Variants in NKAIN3 observed in about 807,000 individuals in gnomAD.
NKAIN3 encodes the protein sodium/potassium-transporting ATPase subunit beta-1-interacting protein 3.
A neutral mutation model predicts 30.2 loss-of-function variants in NKAIN3; 25 were observed. The ratio of observed to expected loss-of-function variants is 0.83; its 90% CI spans 0.60 to 1.16. NKAIN3 has a LOEUF of 1.16. NKAIN3 is among the 50% of genes most tolerant of loss of function. NKAIN3 has a pLI of 0.00. For missense variants in NKAIN3, 225 were observed against 254.1 expected, an observed-to-expected ratio of 0.89 and a Z score of 0.78; for synonymous variants, 91 against 89.6, an observed-to-expected ratio of 1.02 and a Z score of -0.09.
At chr8:62,936,215 T>G (rs567500332) in intron 5 of NKAIN3, among the ~76,000 whole-genome samples, 2 of 152,166 alleles carry the variant, frequency 1.3e-5, no homozygotes, top group Non-Finnish European at 2.9e-5. Context: ...GCACAGGGAC[T>G]GATTCTGAAG....
chr8:62,743,908 C>G lies in NKAIN3; in HGVS notation c.274-3024C>G, dbSNP rs926426880. On this transcript the variant is annotated intron_variant, in intron 3 of 6. Transcript: ENST00000623646. ...GGTAAGACCTTTCTGGAGTAACAGT[C>G]TTATGTCTACCTTTAGACAAGGTAA... Among the ~76,000 whole-genome samples, 26 of 152,110 alleles carry G rather than the reference C, an allele frequency of 1.7e-4. 1 individual carries two copies. The highest frequency in any genetic ancestry group is 8.8e-5 in the Non-Finnish European group (6 of 68,022).
intron 3 of NKAIN3, among the ~76,000 whole-genome samples, chr8:62,742,268 A>G (rs1815929439): frequency 6.6e-6 from 1 of 152,184 alleles, no homozygotes; most frequent in South Asian, 2.1e-4. Context: ...TAGGAAACTT[A>G]TGACAGATAA....
intron 1 of NKAIN3, among the ~76,000 whole-genome samples, chr8:62,497,578 G>C (rs1376431384): frequency 6.6e-6 from 1 of 152,002 alleles, no homozygotes; most frequent in Non-Finnish European, 1.5e-5. Flanking sequence ...TTGGTTCCAG[G>C]TGTATTTTCA....
At chr8:62,458,555 C>T (rs1476163201) in intron 1 of NKAIN3, among the ~76,000 whole-genome samples, 3 of 152,178 alleles carry the variant, frequency 2.0e-5, no homozygotes, top group Admixed American at 2.0e-4. Flanking sequence ...GCATGTCCTA[C>T]AAGTCATCTT....
intron 3 of NKAIN3, among the ~76,000 whole-genome samples, chr8:62,742,277 A>G (rs563407126): frequency 6.6e-6 from 1 of 152,328 alleles, no homozygotes; most frequent in South Asian, 2.1e-4. Flanking sequence ...TATGACAGAT[A>G]AAAACTAGTT....
intron 3 of NKAIN3, among the ~76,000 whole-genome samples, chr8:62,630,845 G>A (rs376252898): frequency 6.6e-6 from 1 of 152,052 alleles, no homozygotes; most frequent in East Asian, 1.9e-4. Flanking sequence ...TTCTTCATCT[G>A]TTTTTCTCCC....
chr8:62,934,458 T>G (rs1296666097), intron 5 of NKAIN3, among the ~76,000 whole-genome samples: 4 of 152,094 alleles, frequency 2.6e-5, no homozygotes, highest in Admixed American at 2.0e-4. Context: ...AAAAAAGTTT[T>G]TATCTGTTAG....
chr8:62,495,172 T>C (rs1251331073), intron 1 of NKAIN3, among the ~76,000 whole-genome samples: 1 of 152,130 alleles, frequency 6.6e-6, no homozygotes, highest in African/African-American at 2.4e-5. Flanking sequence ...AGTTTTGCTA[T>C]AACTATGTCA....
chr8:62,944,135 C>T (rs1360128849), intron 5 of NKAIN3, among the ~76,000 whole-genome samples: 2 of 152,052 alleles, frequency 1.3e-5, no homozygotes, highest in African/African-American at 4.8e-5. Flanking sequence ...CAAACGCCAC[C>T]TGTTCTCCAA....
intron 3 of NKAIN3, among the ~76,000 whole-genome samples, chr8:62,698,440 C>G (rs1424333826): frequency 6.6e-6 from 1 of 152,186 alleles, no homozygotes; most frequent in Non-Finnish European, 1.5e-5. Flanking sequence ...CAGAATTGGA[C>G]AAAAACTTCA....
chr8:62,783,821 T>C (rs575020852), intron 4 of NKAIN3, among the ~76,000 whole-genome samples: 1 of 152,134 alleles, frequency 6.6e-6, no homozygotes, highest in East Asian at 1.9e-4. Context: ...ACCTGTATTT[T>C]GTTTTTTGTT....
chr8:62,274,425 G>A (rs753285787), intron 1 of NKAIN3, among the ~76,000 whole-genome samples: 1 of 152,042 alleles, frequency 6.6e-6, no homozygotes, highest in Non-Finnish European at 1.5e-5. Context: ...TTGGGATTCT[G>A]CACTATGATA....
At chr8:62,817,182 C>A (rs560036204) in intron 4 of NKAIN3, among the ~76,000 whole-genome samples, 1 of 152,166 alleles carries the variant, frequency 6.6e-6, no homozygotes, top group East Asian at 1.9e-4. Flanking sequence ...TTGTTTTGAT[C>A]TTTTTTTGTG....
chr8:62,754,470 T>G (rs1270963784), intron 4 of NKAIN3, among the ~76,000 whole-genome samples: 2 of 152,110 alleles, frequency 1.3e-5, no homozygotes, highest in East Asian at 3.9e-4. Flanking sequence ...AAAACTCACC[T>G]TATTGATTTC....
At chr8:62,678,238 T>C (rs553731144) in intron 3 of NKAIN3, among the ~76,000 whole-genome samples, 1 of 152,326 alleles carries the variant, frequency 6.6e-6, no homozygotes, top group Admixed American at 6.5e-5. Flanking sequence ...TGTTTATCAC[T>C]TTCTACCTTG....
intron 4 of NKAIN3, among the ~76,000 whole-genome samples, chr8:62,896,249 C>T (rs899548226): frequency 2.0e-5 from 3 of 152,062 alleles, no homozygotes; most frequent in Non-Finnish European, 2.9e-5. Context: ...CAGGCTCTCT[C>T]CTGTCTCTTC....
intron 1 of NKAIN3, among the ~76,000 whole-genome samples, chr8:62,313,850 T>C (rs1302577193): frequency 6.6e-6 from 1 of 152,158 alleles, no homozygotes; most frequent in Middle Eastern, 3.2e-3. Flanking sequence ...TACTCATTCA[T>C]ACATTTATTT....
chr8:62,741,397 A>C (rs909713288), intron 3 of NKAIN3, among the ~76,000 whole-genome samples: 1 of 147,540 alleles, frequency 6.8e-6, no homozygotes, highest in South Asian at 2.1e-4. Flanking sequence ...GAAGGAAGGA[A>C]GGAAGGAAGG....
chr8:62,485,923 G>A (rs903921475), intron 1 of NKAIN3, among the ~76,000 whole-genome samples: 2 of 152,162 alleles, frequency 1.3e-5, no homozygotes, highest in African/African-American at 4.8e-5. Flanking sequence ...GAATGGGGCG[G>A]GGCTGAGTGA....
Sources: allele counts gnomAD v4.1 joint callset (sites outside exome capture counted in the v4.1 genomes callset), GRCh38; gene constraint gnomAD v4.1.1; transcripts MANE v1.5; gene names NCBI Gene and HGNC (gene_info 2026-07-23, HGNC 2026-07-21).